The following CHRNB3 variants were observed in gnomAD, a reference collection of about 807,000 sequenced individuals.
CHRNB3 encodes the protein cholinergic receptor nicotinic beta 3 subunit.
A neutral mutation model predicts 40.6 loss-of-function variants in CHRNB3; 37 were observed. The ratio of observed to expected loss-of-function variants is 0.91; its 90% CI spans 0.70 to 1.20. CHRNB3 has a LOEUF of 1.20. Ranked by LOEUF, CHRNB3 falls within the 50% of genes most tolerant of loss-of-function variation. The pLI is 0.00. For missense variants in CHRNB3, 505 were observed against 551.2 expected, an observed-to-expected ratio of 0.92 and a Z score of 0.84; for synonymous variants, 207 against 207.1, an observed-to-expected ratio of 1.00 and a Z score of 0.00.
intron 3 of CHRNB3, among the ~76,000 whole-genome samples, chr8:42,720,522 C>T (rs573434345): frequency 7.9e-5 from 12 of 152,240 alleles, no homozygotes; most frequent in Middle Eastern, 6.8e-3. Flanking sequence ...GTCTCCTTTA[C>T]AGCAACTGTC....
rs74879000 is a variant in CHRNB3 at position 42,714,433 on chromosome 8, C to T, written c.249+3999C>T. ...AGGAGAATCGGTTGTACCTGGGAGC[C>T]GAGATCGTGTTACTGCACTCCAGCC... On this transcript the variant is annotated intron_variant, in intron 3 of 5. Transcript: ENST00000289957. 5.7e-3 allele frequency among the ~76,000 whole-genome samples: 864 copies of T among 151,972 alleles called. 57 individuals are homozygous for T. The East Asian group carries it at 0.14, about 25-fold the overall frequency.
intron 3 of CHRNB3, among the ~76,000 whole-genome samples, chr8:42,713,270 C>A (rs1316575124): frequency 2.0e-5 from 3 of 152,050 alleles, no homozygotes; most frequent in Non-Finnish European, 4.4e-5. Flanking sequence ...AAGAGAACAG[C>A]ATTAGACACA....
chr8:42,729,407 C>T (rs1243237690), intron 3 of CHRNB3, among the ~76,000 whole-genome samples: 1 of 152,048 alleles, frequency 6.6e-6, no homozygotes, highest in Non-Finnish European at 1.5e-5. Flanking sequence ...GAGACTCTGT[C>T]TCAAAAACAT....
rs755424762 is a variant in CHRNB3, at chr8:42,708,885, A to C, written c.204+17A>C. ...GTAGATGTGGTGAGTAATCCTTGGCACTTGGCTAAAAAGAACATGCATTCC... is the reference window on the plus strand; with the variant it reads ...GTAGATGTGGTGAGTAATCCTTGGCCCTTGGCTAAAAAGAACATGCATTCC... On this transcript the variant is annotated intron_variant, in intron 2 of 5. Coordinates refer to ENST00000289957, the MANE Select transcript of CHRNB3 (RefSeq NM_000749.5). 3 of 1,604,358 alleles carry C rather than the reference A, an allele frequency of 1.9e-6. No individual in the cohort carries two copies. In the South Asian group the frequency reaches 3.4e-5, roughly 18 times the overall value.
chr8:42,734,684 G>T (rs1476152693), intron 5 of CHRNB3, among the ~76,000 whole-genome samples: 2 of 151,738 alleles, frequency 1.3e-5, no homozygotes, highest in African/African-American at 4.8e-5. Flanking sequence ...CTCCCAAAGT[G>T]CTGGGATTAC....
intron 3 of CHRNB3, among the ~76,000 whole-genome samples, chr8:42,711,551 C>T (rs933283443): frequency 2.0e-5 from 3 of 151,914 alleles, no homozygotes; most frequent in Non-Finnish European, 2.9e-5. Context: ...CCCGCCACCA[C>T]GCCCAGCTGA....
At position 42,731,654 on chromosome 8, in the gene CHRNB3, G is replaced by A. The variant is rs192543287; in HGVS notation, c.360-13G>A. The A allele has an allele frequency of 1.3e-6, 2 of 1,584,244 alleles. No homozygotes were observed. Among genetic ancestry groups the A allele is most frequent in the African/African-American group, 1.4e-5 (1 of 73,806 alleles). On this transcript the variant is annotated splice_polypyrimidine_tract_variant and intron_variant, in intron 4 of 5. Transcript: ENST00000289957. ...CTCCACCGACTGCTAAGGTGAAACTGCTTTGATTGCAGTGCTGACGGCCGC... is the reference window on the plus strand; with the variant it reads ...CTCCACCGACTGCTAAGGTGAAACTACTTTGATTGCAGTGCTGACGGCCGC...
chr8:42,734,587 T>C (rs2128909111), intron 5 of CHRNB3, among the ~76,000 whole-genome samples: 1 of 151,518 alleles, frequency 6.6e-6, no homozygotes, highest in East Asian at 2.0e-4. Context: ...GCCTGGCCAA[T>C]TTTTTGTGTT....
In CHRNB3 at chr8:42,708,832, A is replaced by G. The variant is rs143344126; in HGVS notation, c.168A>G (p.Val56=). 9.3e-6 allele frequency: 15 copies of G among 1,613,588 alleles called. No individual in the cohort carries two copies. The East Asian group carries it at 2.9e-4, about 31-fold the overall frequency. The part of the protein sequence containing the change: ...PVLHSNDTIK[V]YFGLKISQLV... ...TACATTCTAATGACACCATAAAAGT[A>G]TATTTTGGATTGAAAATATCCCAGC... Residue 56 remains valine (V), a synonymous_variant, in exon 2 of 6, where the codon GTA becomes GTG. Transcript: ENST00000289957.
intron 3 of CHRNB3, among the ~76,000 whole-genome samples, chr8:42,717,408 C>CAAAAAAAAAAAA (rs1816134324): frequency 2.7e-5 from 2 of 73,740 alleles, no homozygotes; most frequent in Non-Finnish European, 5.6e-5. Flanking sequence ...AAAAAAAAGC[C>CAAAAAAAAAAAA]GACCTGTTGT....
intron 5 of CHRNB3, among the ~76,000 whole-genome samples, chr8:42,733,904 A>C: frequency 6.7e-6 from 1 of 150,036 alleles, no homozygotes; most frequent in Non-Finnish European, 1.5e-5. Context: ...CCATTCTTCT[A>C]AACAGTCCTT....
intron 2 of CHRNB3, 108 bp downstream of exon 2, chr8:42,708,976 A>G: frequency 1.6e-6 from 2 of 1,218,570 alleles, no homozygotes; most frequent in Non-Finnish European, 2.2e-6. Context: ...TTTAAAAATA[A>G]TTTACTGTGA....
chr8:42,700,014 C>A (rs748591555), intron 1 of CHRNB3, among the ~76,000 whole-genome samples: 37 of 148,560 alleles, frequency 2.5e-4, no homozygotes, highest in Non-Finnish European at 5.0e-4. Context: ...TCAATAATTT[C>A]TTTTCTTTTT....
chr8:42,713,899 G>A (rs1249411819), intron 3 of CHRNB3, among the ~76,000 whole-genome samples: 2 of 152,118 alleles, frequency 1.3e-5, no homozygotes, highest in Non-Finnish European at 2.9e-5. Flanking sequence ...CTGGCCATAT[G>A]CAGCCTCCTT....
intron 5 of CHRNB3, 82 bp downstream of exon 5, chr8:42,732,631 ATT>A: frequency 7.6e-7 from 1 of 1,313,608 alleles, no homozygotes; most frequent in Non-Finnish European, 1.0e-6. Context: ...ACAATAAAAT[ATT>A]GTCATGGTTT....
chr8:42,732,472 G>C lies in CHRNB3; in HGVS notation c.1165G>C (p.Val389Leu). The change falls in exon 5 of 6, where the codon GTT becomes CTT. Residue 389 changes from valine to leucine, a missense_variant. Val to Leu is a conservative substitution (Grantham distance 32). Coordinates refer to ENST00000289957, the MANE Select transcript of CHRNB3 (RefSeq NM_000749.5). ...KQLSDGEKVL[V>L]AFLEKAADSI... The stretch of plus-strand genomic sequence containing the variant: ...GCTTAGTGATGGAGAAAAAGTTCTA[G>C]TTGCTTTTTTGGAAAAAGCTGCTGA... The C allele has an allele frequency of 6.2e-7, 1 of 1,611,858 alleles. No homozygotes were observed. The highest frequency in any genetic ancestry group is 8.5e-7 in the Non-Finnish European group (1 of 1,179,618).
rs962769385 is a variant in CHRNB3 at position 42,725,820 on chromosome 8, A to G, written c.250-4774A>G. The G allele has an allele frequency of 3.8e-5, 32 of 839,326 alleles. No individual in the cohort carries two copies. In the Admixed American group the frequency reaches 4.4e-4, roughly 12 times the overall value. The allele number at this position is 839,326 out of a possible 1,614,324, so 52.0% of individuals were successfully genotyped here. On this transcript the variant is annotated intron_variant, in intron 3 of 5. Coordinates refer to ENST00000289957, the MANE Select transcript of CHRNB3 (RefSeq NM_000749.5). ...TCAGATTTGGAAATCCCTAGGTCACATAAGTTTCCACTATACGCAGCATTT... is the reference window on the plus strand; with the variant it reads ...TCAGATTTGGAAATCCCTAGGTCACGTAAGTTTCCACTATACGCAGCATTT...
intron 1 of CHRNB3, among the ~76,000 whole-genome samples, chr8:42,704,941 C>T (rs777854531): frequency 3.7e-4 from 57 of 152,178 alleles, no homozygotes; most frequent in Non-Finnish European, 6.2e-4. Flanking sequence ...GCTTTTCTCA[C>T]ATACCAAGAA....
chr8:42,730,543 C>T (rs1259209454), intron 3 of CHRNB3, 51 bp from the exon 4 acceptor site: 1 of 1,121,626 alleles, frequency 8.9e-7, no homozygotes, highest in Non-Finnish European at 1.3e-6. Flanking sequence ...ATTTCAAGAT[C>T]TAATACATTG....
Sources: allele counts gnomAD v4.1 joint callset (sites outside exome capture counted in the v4.1 genomes callset), GRCh38; gene constraint gnomAD v4.1.1; transcripts MANE v1.5; gene names NCBI Gene and HGNC (gene_info 2026-07-23, HGNC 2026-07-21).